IGF2BP3: variants seen among roughly 807,000 people sequenced by gnomAD.
IGF2BP3 encodes the protein insulin like growth factor 2 mRNA binding protein 3, also known as insulin-like growth factor 2 mRNA-binding protein 3.
A neutral mutation model predicts 73.8 loss-of-function variants in IGF2BP3; 9 were observed. The ratio of observed to expected loss-of-function variants is 0.12; its 90% CI spans 0.07 to 0.21. The LOEUF is 0.21. Among genes scored for constraint, IGF2BP3 ranks in the 10% least tolerant of loss-of-function variants. The probability of loss-of-function intolerance (pLI) is 1.00; values close to 1 mark genes in which losing one functional copy is unlikely to be tolerated. For synonymous variants in IGF2BP3, 258 were observed against 256.7 expected (o/e 1.01, Z -0.05); for missense variants, 542 against 714.0 (o/e 0.76, Z 2.75).
At position 23,450,400 on chromosome 7, in the gene IGF2BP3, T is replaced by C. The variant is rs1788170393; in HGVS notation, c.236+18082A>G. On this transcript the variant is annotated intron_variant, in intron 2 of 14. Coordinates refer to ENST00000258729, the MANE Select transcript of IGF2BP3 (RefSeq NM_006547.3). ...TTTTCTCAAAAAGGAATAAAATGAG[T>C]CTGTCACTTCAGGTAAAACGATTTT... Among the ~76,000 whole-genome samples the C allele has an allele frequency of 2.0e-5, 3 of 152,148 alleles. No individual in the cohort carries two copies. In the South Asian group the frequency reaches 6.2e-4, roughly 31 times the overall value.
At chr7:23,397,719 C>A (rs1043350416) in intron 3 of IGF2BP3, among the ~76,000 whole-genome samples, 1 of 152,224 alleles carries the variant, frequency 6.6e-6, no homozygotes, top group Admixed American at 6.5e-5. Context: ...AGTCCCCACT[C>A]TCAAGGCTGT....
chr7:23,355,350 T>G (rs906170699), intron 5 of IGF2BP3, among the ~76,000 whole-genome samples: 1 of 152,012 alleles, frequency 6.6e-6, no homozygotes, highest in Non-Finnish European at 1.5e-5. Context: ...TCCTCCCAAG[T>G]AGCTGGGATT....
intron 2 of IGF2BP3, among the ~76,000 whole-genome samples, chr7:23,423,032 C>T (rs955849280): frequency 6.6e-6 from 1 of 152,230 alleles, no homozygotes; most frequent in African/African-American, 2.4e-5. Flanking sequence ...GCCTCAGCCT[C>T]CCGAAGTGCT....
intron 11 of IGF2BP3, among the ~76,000 whole-genome samples, chr7:23,318,160 T>G (rs1784042687): frequency 6.6e-6 from 1 of 152,156 alleles, no homozygotes; most frequent in Non-Finnish European, 1.5e-5. Flanking sequence ...CTCCTTGGGC[T>G]TCCTGTGTAT....
intron 3 of IGF2BP3, among the ~76,000 whole-genome samples, chr7:23,391,747 A>G (rs1290390487): frequency 6.6e-6 from 1 of 152,250 alleles, no homozygotes; most frequent in African/African-American, 2.4e-5. Flanking sequence ...AGCACTGATC[A>G]TTGTCTGTAG....
intron 10 of IGF2BP3, among the ~76,000 whole-genome samples, chr7:23,330,919 T>C (rs1200699135): frequency 6.6e-6 from 1 of 152,130 alleles, no homozygotes; most frequent in African/African-American, 2.4e-5. Context: ...TGCCTCAGCC[T>C]CCCGAATAGC....
chr7:23,376,321 C>A (rs1785716592), intron 3 of IGF2BP3, among the ~76,000 whole-genome samples: 1 of 151,362 alleles, frequency 6.6e-6, no homozygotes, highest in Admixed American at 6.6e-5. Flanking sequence ...CTTTGAGAGG[C>A]CAAGGCAGGC....
At position 23,450,132 on chromosome 7, in the gene IGF2BP3, G is replaced by A. The variant is rs1210627115; in HGVS notation, c.236+18350C>T. 2.0e-5 allele frequency among the ~76,000 whole-genome samples: 3 copies of A among 152,302 alleles called. No individual in the cohort carries two copies. In the South Asian group the frequency reaches 6.2e-4, roughly 32 times the overall value. On this transcript the variant is annotated intron_variant, in intron 2 of 14. Transcript: ENST00000258729. Reference sequence around the variant, plus strand: ...ACTGTATTCTTCTCTGGCATTTGCAGCGAAGAATTATGCAAACTGTTTAAA... The same window carrying A: ...ACTGTATTCTTCTCTGGCATTTGCAACGAAGAATTATGCAAACTGTTTAAA...
At chr7:23,363,958 G>T (rs1422360876) in intron 3 of IGF2BP3, among the ~76,000 whole-genome samples, 2 of 152,254 alleles carry the variant, frequency 1.3e-5, no homozygotes, top group Non-Finnish European at 2.9e-5. Context: ...AACAAGGGTG[G>T]CCGGGCACAG....
Position 23,351,460 on chromosome 7 carries a change from C to T in IGF2BP3, c.528G>A (p.Gln176=). Reference sequence around the variant, plus strand: ...GAGACCCCTGCCTTGAGGAGCCCCTCTGCCCAAGCCCCCGGCGACCTCGGG... The same window carrying T: ...GAGACCCCTGCCTTGAGGAGCCCCTTTGCCCAAGCCCCCGGCGACCTCGGG... ...QQPRGRRGLG[Q]RGSSRQGSPG... Residue 176 remains glutamine (Q), a synonymous_variant, in exon 6 of 15, where the codon CAG becomes CAA. Transcript: ENST00000258729. 1 of 1,613,842 alleles carries T rather than the reference C, an allele frequency of 6.2e-7. No individual in the cohort carries two copies. Among genetic ancestry groups the T allele is most frequent in the Non-Finnish European group, 8.5e-7 (1 of 1,179,874 alleles).
rs1788303947 is a variant in IGF2BP3 at position 23,455,803 on chromosome 7, A to G, written c.236+12679T>C. ...CGGATTCGAGCCACTCTCCTGCCTC[A>G]GCCTCCTGAGTAACTGGGACTACAG... On this transcript the variant is annotated intron_variant, in intron 2 of 14. Transcript: ENST00000258729. Among the ~76,000 whole-genome samples the G allele has an allele frequency of 4.6e-5, 7 of 152,150 alleles. No homozygotes were observed. The South Asian group carries it at 1.5e-3, about 32-fold the overall frequency.
At chr7:23,372,468 T>C (rs1288618759) in intron 3 of IGF2BP3, among the ~76,000 whole-genome samples, 1 of 152,156 alleles carries the variant, frequency 6.6e-6, no homozygotes, top group Non-Finnish European at 1.5e-5. Context: ...CTTTTATACC[T>C]CACCCTCCTC....
intron 10 of IGF2BP3, among the ~76,000 whole-genome samples, chr7:23,325,994 A>C (rs1257555790): frequency 1.3e-5 from 2 of 152,316 alleles, no homozygotes; most frequent in South Asian, 2.1e-4. Flanking sequence ...ACCATTCAGG[A>C]CATAGGCATG....
intron 2 of IGF2BP3, among the ~76,000 whole-genome samples, chr7:23,444,201 A>G (rs1788003105): frequency 6.6e-6 from 1 of 152,090 alleles, no homozygotes; most frequent in African/African-American, 2.4e-5. Context: ...TTTCCATCAT[A>G]ATTGGGGTAA....
Position 23,469,010 on chromosome 7 carries a change from G to A in IGF2BP3, c.176-468C>T, listed in dbSNP as rs1476164508. Among the ~76,000 whole-genome samples the A allele has an allele frequency of 2.0e-5, 3 of 152,256 alleles. No homozygotes were observed. The highest frequency in any genetic ancestry group is 7.2e-5 in the African/African-American group (3 of 41,478). ...GCTTGAGGAAGACAGGGAGTGGCGA[G>A]AAAGGGTCGGGGACGGCAGGGGAGA... On this transcript the variant is annotated intron_variant, in intron 1 of 14. Transcript: ENST00000258729. This position sits in a 1 kb window ranked among gnomAD's most constrained non-coding sequence, Gnocchi z 6.1.
chr7:23,346,066 T>C lies in IGF2BP3; in HGVS notation c.819-4A>G, dbSNP rs1390692910. ...CTTCAAGGGGATCTCTTCTGTGCTG[T>C]AAATAGAAAAGTGGCCATAAAATTA... On this transcript the variant is annotated splice_region_variant and splice_polypyrimidine_tract_variant and intron_variant, in intron 7 of 14. Coordinates refer to ENST00000258729, the MANE Select transcript of IGF2BP3 (RefSeq NM_006547.3). The C allele has an allele frequency of 6.2e-7, 1 of 1,601,576 alleles. No homozygotes were observed.
chr7:23,410,733 T>A (rs76533999), intron 3 of IGF2BP3, among the ~76,000 whole-genome samples: 6,687 of 152,238 alleles, frequency 0.044, 469 homozygotes, highest in African/African-American at 0.15. Context: ...AGGATCCAGT[T>A]TCTATTGGCT....
intron 3 of IGF2BP3, among the ~76,000 whole-genome samples, chr7:23,374,091 C>T (rs1785643586): frequency 6.6e-6 from 1 of 152,170 alleles, no homozygotes; most frequent in Non-Finnish European, 1.5e-5. Flanking sequence ...TCAGGTATTC[C>T]TTTACAGCAA....
At chr7:23,328,354 G>T (rs941328467) in intron 10 of IGF2BP3, among the ~76,000 whole-genome samples, 1 of 152,102 alleles carries the variant, frequency 6.6e-6, no homozygotes, top group South Asian at 2.1e-4. Flanking sequence ...GATTACAGGC[G>T]TGTGCCACCA....
Sources: allele counts gnomAD v4.1 joint callset (sites outside exome capture counted in the v4.1 genomes callset), GRCh38; gene constraint gnomAD v4.1.1; non-coding constraint Gnocchi (gnomAD v3.1); transcripts MANE v1.5; gene names NCBI Gene and HGNC (gene_info 2026-07-23, HGNC 2026-07-21).